The following PRTG variants were observed in gnomAD, a reference collection of about 807,000 sequenced individuals.
PRTG encodes the protein immunoglobulin superfamily, DCC subclass, member 5.
A neutral mutation model predicts 122.5 loss-of-function variants in PRTG; 67 were observed. The observed-to-expected ratio is 0.55, with a 90% CI of 0.45 to 0.67. PRTG has a LOEUF of 0.67. PRTG is among the 30% of genes least tolerant of loss of function. The pLI is 0.00. For synonymous variants in PRTG, 554 were observed against 501.1 expected, an observed-to-expected ratio of 1.11 and a Z score of -1.41; for missense variants, 1,435 against 1,415.4, an observed-to-expected ratio of 1.01 and a Z score of -0.22.
At position 55,740,704 on chromosome 15, in the gene PRTG, G is replaced by T. The variant is rs1031483905; in HGVS notation, c.95-20C>A. On this transcript the variant is annotated intron_variant, in intron 1 of 19. Transcript: ENST00000389286. ...ACACTCCTATAAGGAAAAAAAAGGA[G>T]AACGGCACATCCAGAATTACAGGCA... 4.4e-6 allele frequency: 7 copies of T among 1,582,896 alleles called. No homozygotes were observed. The highest frequency in any genetic ancestry group is 6.0e-6 in the Non-Finnish European group (7 of 1,166,004).
Position 55,628,888 on chromosome 15 carries a change from C to T in PRTG, c.2740G>A (p.Val914Ile), listed in dbSNP as rs972551723. Reference protein sequence around the residue: ...GPFSNSVELAVLPKETSESNQ... With the variant: ...GPFSNSVELAILPKETSESNQ... ...GATTCAGAGGTTTCCTTTGGAAGTA[C>T]TGCCAGCTCCACAGAATTTGAAAAG... is the stretch of plus-strand genomic sequence containing the variant. Residue 914 changes from valine to isoleucine, a missense_variant, in exon 16 of 20, where the codon GTA (valine) becomes ATA (isoleucine). Physicochemically the swap from Val to Ile is conservative, Grantham distance 29 (BLOSUM62 3). Coordinates refer to ENST00000389286, the MANE Select transcript of PRTG (RefSeq NM_173814.6). The T allele has an allele frequency of 1.2e-6, 2 of 1,614,104 alleles. No individual in the cohort carries two copies. Among genetic ancestry groups the T allele is most frequent in the East Asian group, 2.2e-5 (1 of 44,886 alleles).
Position 55,638,694 on chromosome 15 carries a change from G to A in PRTG, c.2325-18C>T, listed in dbSNP as rs766363941. ...TTTCTGATCTATAATAACGAGTGAT[G>A]AAGTTGTTAATGCTGGTAGTATAAT... On this transcript the variant is annotated intron_variant, in intron 13 of 19. Transcript: ENST00000389286. 1.9e-6 allele frequency: 3 copies of A among 1,606,632 alleles called. No homozygotes were observed. Among genetic ancestry groups the A allele is most frequent in the Admixed American group, 1.7e-5 (1 of 59,242 alleles).
chr15:55,638,462 T>G lies in PRTG; in HGVS notation c.2452+87A>C, dbSNP rs1317810543. 21 of 988,398 alleles carry G rather than the reference T, an allele frequency of 2.1e-5. No homozygotes were observed. In the East Asian group the frequency reaches 6.0e-4, roughly 28 times the overall value. 61.2% of individuals were successfully genotyped at this position (988,398 alleles called of 1,614,324 possible). Reference sequence around the variant, plus strand: ...AAGTGGTAGGTGGCAACTAGGGTAGTATCCTACACAGAATGACATACATAT... The same window carrying G: ...AAGTGGTAGGTGGCAACTAGGGTAGGATCCTACACAGAATGACATACATAT... On this transcript the variant is annotated intron_variant, in intron 14 of 19. Coordinates refer to ENST00000389286, the MANE Select transcript of PRTG (RefSeq NM_173814.6).
chr15:55,642,852 G>C (rs1299885969), intron 11 of PRTG, among the ~76,000 whole-genome samples: 1 of 152,102 alleles, frequency 6.6e-6, no homozygotes, highest in Admixed American at 6.6e-5. Context: ...ACTTTGGGAA[G>C]TAGAGGACAG....
At chr15:55,700,515 C>T (rs1254935636) in intron 2 of PRTG, among the ~76,000 whole-genome samples, 1 of 152,138 alleles carries the variant, frequency 6.6e-6, no homozygotes, top group East Asian at 1.9e-4. Flanking sequence ...GCAACGGTGG[C>T]TCATGCCTGT....
intron 2 of PRTG, among the ~76,000 whole-genome samples, chr15:55,689,107 A>C (rs373461400): frequency 6.6e-6 from 1 of 152,098 alleles, no homozygotes; most frequent in Admixed American, 6.5e-5. Flanking sequence ...TTCTGCTTTC[A>C]TTCTTCCCTT....
chr15:55,708,556 C>A (rs1169577722), intron 2 of PRTG, among the ~76,000 whole-genome samples: 1 of 151,574 alleles, frequency 6.6e-6, no homozygotes, highest in African/African-American at 2.4e-5. Flanking sequence ...TGCAGCAAGC[C>A]GAGATCACAC....
At position 55,641,147 on chromosome 15, in the gene PRTG, C is replaced by A; in HGVS notation, c.2103G>T (p.Gln701His). ...CTGGAGTGCTGACAGTCTGATCTGC[C>A]TGATAGCCATCGTCTATGTTGTTGT... is the stretch of plus-strand genomic sequence containing the variant. ...LAYNNIDDGYQADQTVSTPGC... is the reference protein window; with the variant it reads ...LAYNNIDDGYHADQTVSTPGC... Residue 701 changes from glutamine to histidine, a missense_variant, in exon 12 of 20, where the codon CAG becomes CAT. Coordinates refer to ENST00000389286, the MANE Select transcript of PRTG (RefSeq NM_173814.6). 1 of 1,614,006 alleles carries A rather than the reference C, an allele frequency of 6.2e-7. No individual in the cohort carries two copies. Among genetic ancestry groups the A allele is most frequent in the Non-Finnish European group, 8.5e-7 (1 of 1,179,928 alleles).
intron 2 of PRTG, among the ~76,000 whole-genome samples, chr15:55,723,164 T>C (rs977797709): frequency 1.1e-4 from 16 of 152,090 alleles, no homozygotes; most frequent in Admixed American, 2.0e-4. Context: ...AATTCCATGA[T>C]ACAGAATGTG....
intron 11 of PRTG, chr15:55,654,936 T>C (rs2059372198): frequency 6.6e-6 from 1 of 152,176 alleles, no homozygotes; most frequent in Non-Finnish European, 1.5e-5. Context: ...ACATCTGTAG[T>C]TTGATAACCA....
At position 55,637,260 on chromosome 15, in the gene PRTG, C is replaced by T. The variant is rs2059262983; in HGVS notation, c.2533G>A (p.Gly845Ser). 1 of 1,613,874 alleles carries T rather than the reference C, an allele frequency of 6.2e-7. No individual in the cohort carries two copies. The highest frequency in any genetic ancestry group is 8.5e-7 in the Non-Finnish European group (1 of 1,179,964). The change falls in exon 15 of 20, where the codon GGC becomes AGC. Residue 845 changes from glycine (G) to serine (S), a missense_variant. Physicochemically the swap from Gly to Ser is moderately conservative, Grantham distance 56. Transcript: ENST00000389286. ...TAGCGGGTCACAACTGTTTCTGGGCCATCAGGGGGTTTCCAAGAAACCAGG... is the reference window on the plus strand; with the variant it reads ...TAGCGGGTCACAACTGTTTCTGGGCTATCAGGGGGTTTCCAAGAAACCAGG... ...TALVSWKPPD[G>S]PETVVTRYTI... is the part of the protein sequence containing the mutation.
At position 55,619,975 on chromosome 15, in the gene PRTG, T is replaced by C; in HGVS notation, c.*37A>G. ...CAGCAGGGTCTTCACACTTCCTCAA[T>C]GCGGAATCTCCACCTGAATCACTGC... On this transcript the variant is annotated 3_prime_UTR_variant, in exon 20 of 20. Transcript: ENST00000389286. 1 of 1,610,122 alleles carries C rather than the reference T, an allele frequency of 6.2e-7. No homozygotes were observed. Among genetic ancestry groups the C allele is most frequent in the South Asian group, 1.1e-5 (1 of 90,332 alleles).
At chr15:55,687,539 A>G (rs1288811121) in intron 2 of PRTG, among the ~76,000 whole-genome samples, 2 of 152,148 alleles carry the variant, frequency 1.3e-5, no homozygotes, top group African/African-American at 4.8e-5. Context: ...TTTTTTCTCA[A>G]ATGGATAAAT....
intron 11 of PRTG, among the ~76,000 whole-genome samples, chr15:55,656,602 G>T (rs1225495298): frequency 1.3e-5 from 2 of 152,080 alleles, no homozygotes; most frequent in African/African-American, 4.8e-5. Flanking sequence ...CTGCCTCCCG[G>T]GTTCATGCCA....
At chr15:55,661,653 A>AT (rs2059410201) in intron 11 of PRTG, among the ~76,000 whole-genome samples, 5 of 152,328 alleles carry the variant, frequency 3.3e-5, no homozygotes, top group Non-Finnish European at 5.9e-5. Context: ...GGTACTAAAA[A>AT]AAGTTACTCT....
chr15:55,635,103 G>GTGTGTGTGTT (rs1171883359), intron 15 of PRTG, among the ~76,000 whole-genome samples: 1 of 112,772 alleles, frequency 8.9e-6, no homozygotes, highest in Non-Finnish European at 1.8e-5. Context: ...GTGTGTGTGT[G>GTGTGTGTGTT]TTTTTTGAGA....
Position 55,673,688 on chromosome 15 carries a change from A to T in PRTG, c.1547-12T>A. On this transcript the variant is annotated splice_polypyrimidine_tract_variant and intron_variant, in intron 9 of 19. Coordinates refer to ENST00000389286, the MANE Select transcript of PRTG (RefSeq NM_173814.6). ...AGGTCTCAGGGGAACTAGTCATAGAAGAAATCAGGTTGTTTATAAATATTT... is the reference window on the plus strand; with the variant it reads ...AGGTCTCAGGGGAACTAGTCATAGATGAAATCAGGTTGTTTATAAATATTT... 1.9e-6 allele frequency: 3 copies of T among 1,606,134 alleles called. No individual in the cohort carries two copies. Among genetic ancestry groups the T allele is most frequent in the Non-Finnish European group, 2.6e-6 (3 of 1,173,550 alleles).
At chr15:55,643,352 A>C (rs2059303037) in intron 11 of PRTG, among the ~76,000 whole-genome samples, 1 of 152,180 alleles carries the variant, frequency 6.6e-6, no homozygotes, top group South Asian at 2.1e-4. Flanking sequence ...TGTCTTTTGG[A>C]TACATCCTCT....
chr15:55,670,258 ATAAAT>A (rs1285004878), intron 11 of PRTG, among the ~76,000 whole-genome samples: 1 of 152,158 alleles, frequency 6.6e-6, no homozygotes, highest in African/African-American at 2.4e-5. Context: ...TTTTTTTCTA[ATAAAT>A]TAGTCACCTA....
Sources: gnomAD v4.1 joint callset for allele counts (sites outside exome capture counted in the v4.1 genomes callset) on GRCh38, gnomAD v4.1.1 for gene constraint, MANE v1.5 for transcripts, NCBI Gene and HGNC (gene_info 2026-07-23, HGNC 2026-07-21) for gene names.